The following GRM1 variants were observed in gnomAD, a reference collection of about 807,000 sequenced individuals.
The protein encoded by GRM1 is glutamate metabotropic receptor 1.
In GRM1, 33 loss-of-function variants were observed where a neutral mutation model predicts 90.9. The observed-to-expected ratio is 0.36, with a 90% CI of 0.28 to 0.49. GRM1 has a LOEUF of 0.49. GRM1 is among the 20% of genes least tolerant of loss of function. The pLI is 0.99. For synonymous variants in GRM1, 700 were observed against 613.2 expected (o/e 1.14, Z -2.09); for missense variants, 1,190 against 1,534.3 (o/e 0.78, Z 3.75).
intron 5 of GRM1, among the ~76,000 whole-genome samples, chr6:146,386,006 T>C (rs1383011611): frequency 6.6e-6 from 1 of 151,810 alleles, no homozygotes; most frequent in African/African-American, 2.4e-5. Context: ...AAAGAACATA[T>C]AGGACAGAAA....
At chr6:146,159,767 T>C (rs1237936365) in intron 2 of GRM1, 170 bp downstream of exon 2, 3 of 625,888 alleles carry the variant, frequency 4.8e-6, no homozygotes, top group Non-Finnish European at 8.4e-6. Context: ...GATCTCACTG[T>C]TAATGTGAAT....
At chr6:146,353,942 C>G (rs1405663534) in intron 4 of GRM1, among the ~76,000 whole-genome samples, 1 of 152,098 alleles carries the variant, frequency 6.6e-6, no homozygotes, top group African/African-American at 2.4e-5. Flanking sequence ...TGGCAACCTT[C>G]TTAATGTCAT....
chr6:146,239,181 T>C (rs977684425), intron 2 of GRM1, among the ~76,000 whole-genome samples: 1 of 152,156 alleles, frequency 6.6e-6, no homozygotes, highest in African/African-American at 2.4e-5. Context: ...ATAACACAAC[T>C]GTAAAAGCTG....
At chr6:146,225,943 G>C (rs550742271) in intron 2 of GRM1, among the ~76,000 whole-genome samples, 7 of 152,024 alleles carry the variant, frequency 4.6e-5, no homozygotes, top group Middle Eastern at 3.2e-3. Context: ...CAGATGTTTG[G>C]CTTCTGCTTT....
intron 3 of GRM1, among the ~76,000 whole-genome samples, chr6:146,331,336 A>G (rs1784582137): frequency 6.6e-6 from 1 of 152,206 alleles, no homozygotes; most frequent in African/African-American, 2.4e-5. Flanking sequence ...ACATTAGGGA[A>G]GAAAGAATAA....
At chr6:146,083,894 A>G (rs376192071) in intron 1 of GRM1, among the ~76,000 whole-genome samples, 1 of 152,188 alleles carries the variant, frequency 6.6e-6, no homozygotes, top group East Asian at 1.9e-4. Flanking sequence ...GTTATTAATT[A>G]CTGCCTCAAT....
At chr6:146,256,421 C>A (rs1431934016) in intron 2 of GRM1, among the ~76,000 whole-genome samples, 5 of 152,180 alleles carry the variant, frequency 3.3e-5, no homozygotes, top group Non-Finnish European at 7.4e-5. Flanking sequence ...TGGCCCTTCA[C>A]TCCTCCCCCA....
chr6:146,055,125 TA>T (rs759678361), intron 1 of GRM1, among the ~76,000 whole-genome samples: 1 of 152,124 alleles, frequency 6.6e-6, no homozygotes, highest in Non-Finnish European at 1.5e-5. Context: ...GCTATTTTTT[TA>T]AAACATGTTG....
chr6:146,050,267 T>A (rs1310622657), intron 1 of GRM1, among the ~76,000 whole-genome samples: 1 of 152,024 alleles, frequency 6.6e-6, no homozygotes, highest in Non-Finnish European at 1.5e-5. Context: ...CACTGGGTCT[T>A]CCTTTTCTGT....
At chr6:146,132,285 T>TC (rs1776430374) in intron 1 of GRM1, among the ~76,000 whole-genome samples, 2 of 151,454 alleles carry the variant, frequency 1.3e-5, no homozygotes, top group African/African-American at 4.8e-5. Context: ...GTGGATGTGG[T>TC]GGGGGGGGAC....
chr6:146,063,317 T>G (rs1372327443), intron 1 of GRM1, among the ~76,000 whole-genome samples: 1 of 152,244 alleles, frequency 6.6e-6, no homozygotes, highest in Non-Finnish European at 1.5e-5. Flanking sequence ...TTGCTAGTTA[T>G]GCTGTTTTTA....
intron 1 of GRM1, among the ~76,000 whole-genome samples, chr6:146,123,121 G>C (rs1297357821): frequency 6.6e-6 from 1 of 151,990 alleles, no homozygotes; most frequent in Admixed American, 6.6e-5. Context: ...GGGATTACAC[G>C]TGTGAGCCAC....
At chr6:146,325,283 C>A (rs969072976) in intron 3 of GRM1, among the ~76,000 whole-genome samples, 1 of 152,144 alleles carries the variant, frequency 6.6e-6, no homozygotes, top group African/African-American at 2.4e-5. Flanking sequence ...TAATGAACTT[C>A]TTTCTACAGA....
At chr6:146,343,927 A>G (rs1429691187) in intron 3 of GRM1, among the ~76,000 whole-genome samples, 2 of 152,172 alleles carry the variant, frequency 1.3e-5, no homozygotes, top group Non-Finnish European at 2.9e-5. Flanking sequence ...AGAAACCAAG[A>G]TCTGGGCATT....
At chr6:146,232,927 T>C (rs1780497198) in intron 2 of GRM1, among the ~76,000 whole-genome samples, 1 of 151,960 alleles carries the variant, frequency 6.6e-6, no homozygotes, top group South Asian at 2.1e-4. Flanking sequence ...TTCATAGCAT[T>C]CCTTATTAAA....
chr6:146,424,388 A>G (rs1778119637), intron 7 of GRM1, among the ~76,000 whole-genome samples: 1 of 152,146 alleles, frequency 6.6e-6, no homozygotes, highest in Non-Finnish European at 1.5e-5. Flanking sequence ...AGGGGCAGGT[A>G]GTGGGAGGCT....
At chr6:146,030,363 G>T in intron 1 of GRM1, 146 bp downstream of exon 1, 1 of 707,972 alleles carries the variant, frequency 1.4e-6, no homozygotes, top group African/African-American at 1.7e-5. Context: ...CCCAGGCATT[G>T]CCTTTTATCC....
chr6:146,064,807 AT>A (rs1775792720), intron 1 of GRM1, among the ~76,000 whole-genome samples: 1 of 151,274 alleles, frequency 6.6e-6, no homozygotes, highest in African/African-American at 2.4e-5. Context: ...AAAAAAAAAA[AT>A]TTTGTTCTTT....
intron 1 of GRM1, among the ~76,000 whole-genome samples, chr6:146,138,264 C>T (rs1000883486): frequency 1.3e-5 from 2 of 151,990 alleles, no homozygotes; most frequent in African/African-American, 4.8e-5. Flanking sequence ...TTCAGTTTTT[C>T]CCCATCAGTA....
Sources: allele counts gnomAD v4.1 joint callset (sites outside exome capture counted in the v4.1 genomes callset), GRCh38; gene constraint gnomAD v4.1.1; transcripts MANE v1.5; gene names NCBI Gene and HGNC (gene_info 2026-07-23, HGNC 2026-07-21).